APBA1: variants seen among roughly 807,000 people sequenced by gnomAD.
The protein encoded by APBA1 is amyloid beta precursor protein binding family A member 1.
A neutral mutation model predicts 86.6 loss-of-function variants in APBA1; 55 were observed. The observed-to-expected ratio is 0.64, with a 90% confidence interval of 0.51 to 0.80. The LOEUF (loss-of-function observed/expected upper bound fraction) is 0.80, where lower values mean the gene tolerates loss of function less well. Ranked by LOEUF, APBA1 falls within the 30% of genes least tolerant of loss-of-function variation. The probability of loss-of-function intolerance (pLI) is 0.00; values close to 1 mark genes in which losing one functional copy is unlikely to be tolerated. For missense variants in APBA1, 1,090 were observed against 1,183.0 expected (o/e 0.92, Z 1.15); for synonymous variants, 511 against 493.9 (o/e 1.03, Z -0.46).
upstream of APBA1, chr9:69,672,449 G>A (rs1453935448): frequency 2.7e-5 from 4 of 150,584 alleles, no homozygotes; most frequent in Non-Finnish European, 6.0e-5. Context: ...GCTGGGGCCG[G>A]GCGGGCCTGC....
rs913602562 is a variant in APBA1 at position 69,517,076 on chromosome 9, C to G, written c.135G>C (p.Gln45His). 3 of 1,584,580 alleles carry G rather than the reference C, an allele frequency of 1.9e-6. No homozygotes were observed. The highest frequency in any genetic ancestry group is 2.7e-5 in the African/African-American group (2 of 74,432). Residue 45 changes from glutamine to histidine, a missense_variant, in exon 2 of 13, where the codon CAG becomes CAC. Coordinates refer to ENST00000265381, the MANE Select transcript of APBA1 (RefSeq NM_001163.4). ...CGCGCTGGTGGCGGCCCACATAGTG[C>G]TGCTGCTGCGGCGGCTGCTGCTGTT... ...EEEQQQPPQQ[Q>H]HYVGRHQRGR...
intron 1 of APBA1, among the ~76,000 whole-genome samples, chr9:69,582,000 C>T (rs892640924): frequency 6.6e-6 from 1 of 152,124 alleles, no homozygotes; most frequent in Non-Finnish European, 1.5e-5. Flanking sequence ...ACTGCAATAG[C>T]TTTTCACAGG....
chr9:69,576,190 T>C (rs994114660), intron 1 of APBA1, among the ~76,000 whole-genome samples: 47 of 152,298 alleles, frequency 3.1e-4, no homozygotes, highest in African/African-American at 1.1e-3. Flanking sequence ...ATGGTGATCA[T>C]TAAAATGTCA....
At chr9:69,653,105 GAA>G (rs1343698768) in intron 1 of APBA1, among the ~76,000 whole-genome samples, 1 of 151,844 alleles carries the variant, frequency 6.6e-6, no homozygotes, top group Admixed American at 6.6e-5. Flanking sequence ...TGAAGGAATG[GAA>G]AAATATATTC....
chr9:69,602,737 A>G (rs1296556001), intron 1 of APBA1, among the ~76,000 whole-genome samples: 1 of 152,120 alleles, frequency 6.6e-6, no homozygotes, highest in African/African-American at 2.4e-5. Context: ...GCACCACTTT[A>G]GGCCCTGGGG....
intron 1 of APBA1, among the ~76,000 whole-genome samples, chr9:69,629,137 C>T (rs1822990170): frequency 6.6e-6 from 1 of 152,114 alleles, no homozygotes; most frequent in East Asian, 1.9e-4. Context: ...TGAATTGAAA[C>T]CAATTATAAC....
At chr9:69,543,283 C>G (rs1339951163) in intron 1 of APBA1, among the ~76,000 whole-genome samples, 3 of 5,484 alleles carry the variant, frequency 5.5e-4, no homozygotes, top group Non-Finnish European at 1.3e-3. Context: ...ATTTCCCCCC[C>G]CCCCCCCCGG....
At chr9:69,534,453 C>A (rs564484277) in intron 1 of APBA1, among the ~76,000 whole-genome samples, 1 of 152,272 alleles carries the variant, frequency 6.6e-6, no homozygotes, top group South Asian at 2.1e-4. Context: ...ATGCGGAGGA[C>A]TCCGAGACCC....
At chr9:69,542,169 T>G (rs1463766439) in intron 1 of APBA1, among the ~76,000 whole-genome samples, 1 of 152,162 alleles carries the variant, frequency 6.6e-6, no homozygotes, top group Non-Finnish European at 1.5e-5. Context: ...CATATACATC[T>G]CCTCTTCCCT....
chr9:69,486,261 T>C (rs1417815886), intron 2 of APBA1, among the ~76,000 whole-genome samples: 2 of 152,086 alleles, frequency 1.3e-5, no homozygotes, highest in Non-Finnish European at 2.9e-5. Context: ...CTCATTTTAA[T>C]TCTGACTGAA....
Position 69,456,231 on chromosome 9 carries a change from A to C in APBA1, c.1788+16T>G. 1 of 1,614,160 alleles carries C rather than the reference A, an allele frequency of 6.2e-7. No individual in the cohort carries two copies. Among genetic ancestry groups the C allele is most frequent in the Non-Finnish European group, 8.5e-7 (1 of 1,179,994 alleles). ...AGAACCTAACCCAAAAGGAGATCAA[A>C]GGAAGCAACCCTTACATCCTCAGAC... On this transcript the variant is annotated intron_variant, in intron 8 of 12. Coordinates refer to ENST00000265381, the MANE Select transcript of APBA1 (RefSeq NM_001163.4).
intron 1 of APBA1, among the ~76,000 whole-genome samples, chr9:69,589,793 C>G (rs998723703): frequency 1.1e-4 from 16 of 152,162 alleles, no homozygotes; most frequent in African/African-American, 3.1e-4. Flanking sequence ...CTATTTCTCT[C>G]TGGCCAAACA....
chr9:69,615,734 T>C (rs1170715876), intron 1 of APBA1, among the ~76,000 whole-genome samples: 1 of 152,226 alleles, frequency 6.6e-6, no homozygotes, highest in Non-Finnish European at 1.5e-5. Flanking sequence ...TAGATTAGAC[T>C]AGATCCTGAA....
At chr9:69,491,346 A>C (rs1280971919) in intron 2 of APBA1, among the ~76,000 whole-genome samples, 2 of 152,068 alleles carry the variant, frequency 1.3e-5, no homozygotes, top group Non-Finnish European at 2.9e-5. Context: ...TCAGCAAACT[A>C]TGGCAAGGAC....
intron 1 of APBA1, among the ~76,000 whole-genome samples, chr9:69,649,412 C>T (rs1823453297): frequency 6.6e-6 from 1 of 152,164 alleles, no homozygotes; most frequent in Admixed American, 6.5e-5. Context: ...CTGCTTCAGA[C>T]ACACCCTCTC....
chr9:69,623,646 G>C (rs1042054962), intron 1 of APBA1, among the ~76,000 whole-genome samples: 1 of 152,180 alleles, frequency 6.6e-6, no homozygotes, highest in African/African-American at 2.4e-5. Context: ...TCGGGAGGGT[G>C]TGTAAAAATG....
chr9:69,586,151 A>C (rs1822015344), intron 1 of APBA1, among the ~76,000 whole-genome samples: 1 of 152,154 alleles, frequency 6.6e-6, no homozygotes, highest in African/African-American at 2.4e-5. Flanking sequence ...ATCCATACAT[A>C]ATAACCACTA....
chr9:69,618,327 C>T (rs1463199027), intron 1 of APBA1, among the ~76,000 whole-genome samples: 1 of 152,208 alleles, frequency 6.6e-6, no homozygotes, highest in Non-Finnish European at 1.5e-5. Flanking sequence ...CTCAGCTTCT[C>T]TTGACTCAAT....
intron 1 of APBA1, among the ~76,000 whole-genome samples, chr9:69,632,306 C>A (rs975418275): frequency 6.6e-6 from 1 of 152,142 alleles, no homozygotes; most frequent in South Asian, 2.1e-4. Context: ...CAACAGGAAG[C>A]AAATATTAAT....
Sources: allele counts gnomAD v4.1 joint callset (sites outside exome capture counted in the v4.1 genomes callset), GRCh38; gene constraint gnomAD v4.1.1; transcripts MANE v1.5; gene names NCBI Gene and HGNC (gene_info 2026-07-23, HGNC 2026-07-21).